CCSER1: variants seen among roughly 807,000 people sequenced by gnomAD.
CCSER1 encodes coiled-coil serine rich protein 1, also known as serine-rich coiled-coil domain-containing protein 1.
In CCSER1, 41 loss-of-function variants were observed where a neutral mutation model predicts 82.0. The ratio of observed to expected loss-of-function variants is 0.50; its 90% CI spans 0.39 to 0.65. CCSER1 has a LOEUF of 0.65. Among genes scored for constraint, CCSER1 ranks in the 30% least tolerant of loss-of-function variants. CCSER1 has a pLI of 0.00. For missense variants in CCSER1, 1,119 were observed against 1,064.2 expected, an observed-to-expected ratio of 1.05 and a Z score of -0.72; for synonymous variants, 414 against 383.9, an observed-to-expected ratio of 1.08 and a Z score of -0.92.
intron 10 of CCSER1, among the ~76,000 whole-genome samples, chr4:91,514,913 T>C (rs1760022280): frequency 6.6e-6 from 1 of 152,132 alleles, no homozygotes; most frequent in Admixed American, 6.5e-5. Flanking sequence ...TTTTCAGGTT[T>C]TCAACTTAAT....
intron 6 of CCSER1, among the ~76,000 whole-genome samples, chr4:90,655,603 C>A (rs1729562075): frequency 6.6e-6 from 1 of 151,942 alleles, no homozygotes; most frequent in Non-Finnish European, 1.5e-5. Flanking sequence ...TGAGTAAGAT[C>A]TTTTTGATAC....
At chr4:91,386,115 T>A (rs561260291) in intron 10 of CCSER1, among the ~76,000 whole-genome samples, 21 of 151,838 alleles carry the variant, frequency 1.4e-4, no homozygotes, top group African/African-American at 2.7e-4. Context: ...GTTTTTTTTT[T>A]AAATACCATT....
intron 1 of CCSER1, among the ~76,000 whole-genome samples, chr4:90,277,724 A>C (rs1388321178): frequency 6.6e-6 from 1 of 152,052 alleles, no homozygotes; most frequent in Non-Finnish European, 1.5e-5. Flanking sequence ...AATAAAAAAA[A>C]ATCCTAGAAG....
chr4:91,331,240 T>C (rs1232256946), intron 10 of CCSER1, among the ~76,000 whole-genome samples: 1 of 152,174 alleles, frequency 6.6e-6, no homozygotes. Context: ...TATTGCTATT[T>C]CTTTAATATC....
At chr4:90,930,948 C>CAT (rs1274812739) in intron 9 of CCSER1, among the ~76,000 whole-genome samples, 2 of 112,106 alleles carry the variant, frequency 1.8e-5, no homozygotes, top group Non-Finnish European at 3.9e-5. Flanking sequence ...ATACACATGA[C>CAT]ATATATATAC....
intron 5 of CCSER1, among the ~76,000 whole-genome samples, chr4:90,593,063 G>C (rs910694412): frequency 6.6e-6 from 1 of 152,066 alleles, no homozygotes; most frequent in African/African-American, 2.4e-5. Context: ...TCATACTAAA[G>C]AGTATAATAA....
intron 10 of CCSER1, among the ~76,000 whole-genome samples, chr4:91,394,441 T>C (rs1317840234): frequency 1.3e-5 from 2 of 152,116 alleles, no homozygotes; most frequent in African/African-American, 4.8e-5. Context: ...CTTTAGAAAA[T>C]TTAAGATGGC....
intron 3 of CCSER1, among the ~76,000 whole-genome samples, chr4:90,322,071 G>A (rs558197925): frequency 6.6e-6 from 1 of 152,124 alleles, no homozygotes; most frequent in African/African-American, 2.4e-5. Flanking sequence ...CCAATGTCTT[G>A]GAGAGTTTCC....
intron 10 of CCSER1, among the ~76,000 whole-genome samples, chr4:91,136,470 A>C (rs750580225): frequency 6.6e-6 from 1 of 152,108 alleles, no homozygotes; most frequent in Non-Finnish European, 1.5e-5. Flanking sequence ...CCAGAATTCT[A>C]CTCTAATCTT....
chr4:90,786,445 A>C (rs1374082319), intron 7 of CCSER1, among the ~76,000 whole-genome samples: 1 of 152,174 alleles, frequency 6.6e-6, no homozygotes, highest in Non-Finnish European at 1.5e-5. Flanking sequence ...TTTCCCAGAT[A>C]ATGTATTTTT....
intron 3 of CCSER1, among the ~76,000 whole-genome samples, chr4:90,398,385 C>T (rs75033596): frequency 0.033 from 4,976 of 152,122 alleles, 95 homozygotes; most frequent in African/African-American, 0.057. Context: ...TTATTTACCC[C>T]AATTAGAAAT....
At chr4:90,786,850 C>T (rs1754587644) in intron 7 of CCSER1, among the ~76,000 whole-genome samples, 1 of 152,208 alleles carries the variant, frequency 6.6e-6, no homozygotes. Flanking sequence ...CCCCAAGAGT[C>T]CTCTTCAGAC....
chr4:91,363,093 T>C (rs1749356891), intron 10 of CCSER1, among the ~76,000 whole-genome samples: 1 of 151,588 alleles, frequency 6.6e-6, no homozygotes, highest in Admixed American at 6.6e-5. Context: ...GAAACTCTCT[T>C]ACAAATTTTC....
At chr4:90,703,544 CGTT>C (rs1560977985) in intron 6 of CCSER1, among the ~76,000 whole-genome samples, 1 of 152,104 alleles carries the variant, frequency 6.6e-6, no homozygotes, top group African/African-American at 2.4e-5. Context: ...CTTTCTGTCT[CGTT>C]GATCTGTCTA....
In CCSER1 at chr4:90,812,741, G is replaced by A. The variant is rs367896677; in HGVS notation, c.2011-3021G>A. Among the ~76,000 whole-genome samples the A allele has an allele frequency of 8.5e-5, 13 of 152,174 alleles. No homozygotes were observed. The South Asian group carries it at 1.2e-3, about 15-fold the overall frequency. On this transcript the variant is annotated intron_variant, in intron 7 of 10. Transcript: ENST00000509176. Reference sequence around the variant, plus strand: ...GCCTAAGGAAACTTAAAATCATGGCGGAAGGCTGAGGGGAAGCAAGGTACT... The same window carrying A: ...GCCTAAGGAAACTTAAAATCATGGCAGAAGGCTGAGGGGAAGCAAGGTACT...
At chr4:90,940,297 T>C (rs562156078) in intron 9 of CCSER1, among the ~76,000 whole-genome samples, 3 of 151,928 alleles carry the variant, frequency 2.0e-5, no homozygotes, top group African/African-American at 7.2e-5. Flanking sequence ...CCTTCCTTCC[T>C]TCTTTCCTTC....
chr4:91,189,794 A>G (rs1734852617), intron 10 of CCSER1, among the ~76,000 whole-genome samples: 1 of 152,156 alleles, frequency 6.6e-6, no homozygotes, highest in African/African-American at 2.4e-5. Flanking sequence ...TAATGTATGG[A>G]AAACAAATTG....
chr4:91,390,787 T>G (rs1427864896), intron 10 of CCSER1, among the ~76,000 whole-genome samples: 1 of 152,034 alleles, frequency 6.6e-6, no homozygotes, highest in African/African-American at 2.4e-5. Context: ...AGATTGTTTA[T>G]TTTTTCTTGA....
chr4:90,339,329 C>G (rs1740967694), intron 3 of CCSER1, among the ~76,000 whole-genome samples: 1 of 152,116 alleles, frequency 6.6e-6, no homozygotes, highest in African/African-American at 2.4e-5. Flanking sequence ...CCATCGCCTC[C>G]CAGCTGCTCC....
Sources: allele counts gnomAD v4.1 joint callset (sites outside exome capture counted in the v4.1 genomes callset), GRCh38; gene constraint gnomAD v4.1.1; transcripts MANE v1.5; gene names NCBI Gene and HGNC (gene_info 2026-07-23, HGNC 2026-07-21).